LCOR: variants seen among roughly 807,000 people sequenced by gnomAD.
LCOR encodes ligand dependent nuclear receptor corepressor, also known as ligand-dependent corepressor.
Under a neutral mutation model 64.4 loss-of-function variants are expected in LCOR, and 14 were observed. The ratio of observed to expected loss-of-function variants is 0.22; its 90% confidence interval spans 0.14 to 0.34. The LOEUF is 0.34. Ranked by LOEUF, LCOR falls within the 10% of genes least tolerant of loss-of-function variation. The pLI, the probability that LCOR is intolerant of heterozygous loss-of-function variation, is 1.00. For synonymous variants in LCOR, 643 were observed against 642.5 expected (o/e 1.00, Z -0.01); for missense variants, 1,686 against 1,765.3 (o/e 0.96, Z 0.80).
intron 4 of LCOR, among the ~76,000 whole-genome samples, chr10:96,930,479 C>T (rs550077797): frequency 2.0e-5 from 3 of 152,282 alleles, no homozygotes; most frequent in Non-Finnish European, 4.4e-5. Flanking sequence ...AGAATTGCCA[C>T]GTCAGTAGTG....
At chr10:96,836,724 A>G (rs1845448029) in intron 2 of LCOR, among the ~76,000 whole-genome samples, 1 of 152,226 alleles carries the variant, frequency 6.6e-6, no homozygotes, top group Admixed American at 6.5e-5. Flanking sequence ...TGGAAAAGGC[A>G]TTCCATTCAT....
At chr10:96,944,425 C>T (rs1350672046) in intron 5 of LCOR, among the ~76,000 whole-genome samples, 180 bp downstream of exon 5, 2 of 151,950 alleles carry the variant, frequency 1.3e-5, no homozygotes, top group African/African-American at 2.4e-5. Flanking sequence ...AACCCTGTTC[C>T]CCACATTTAG....
At chr10:96,894,954 A>G (rs911396820) in intron 2 of LCOR, among the ~76,000 whole-genome samples, 4 of 152,182 alleles carry the variant, frequency 2.6e-5, no homozygotes, top group African/African-American at 7.2e-5. Context: ...GAACAGTAAA[A>G]AAGACCTGAC....
intron 5 of LCOR, among the ~76,000 whole-genome samples, chr10:96,944,533 A>G (rs1307239425): frequency 6.6e-6 from 1 of 151,920 alleles, no homozygotes; most frequent in Non-Finnish European, 1.5e-5. Context: ...TTTGTTAGAC[A>G]ACTTTTCTTA....
At chr10:96,869,135 A>G (rs11188954) in intron 2 of LCOR, among the ~76,000 whole-genome samples, 30,763 of 152,040 alleles carry the variant, frequency 0.2, 5,478 homozygotes, top group African/African-American at 0.48. Flanking sequence ...CAAAGCTCGC[A>G]ACCTCAAGTG....
At chr10:96,941,277 A>G (rs1266787947) in intron 4 of LCOR, among the ~76,000 whole-genome samples, 148 of 97,772 alleles carry the variant, frequency 1.5e-3, no homozygotes, top group Middle Eastern at 0.011. Flanking sequence ...GCGGCTGGCC[A>G]GGCGGGGGGC....
intron 2 of LCOR, among the ~76,000 whole-genome samples, chr10:96,885,247 T>C (rs1846322791): frequency 6.6e-6 from 1 of 152,222 alleles, no homozygotes; most frequent in South Asian, 2.1e-4. Flanking sequence ...AGTAAAGTTT[T>C]CAGATTTGTA....
chr10:96,835,540 A>G (rs991493690), intron 2 of LCOR, among the ~76,000 whole-genome samples: 6 of 152,186 alleles, frequency 3.9e-5, no homozygotes, highest in African/African-American at 4.8e-5. Context: ...AGAACTTTCT[A>G]TATTTAAAAG....
At chr10:96,936,174 C>T (rs1411494809) in intron 4 of LCOR, among the ~76,000 whole-genome samples, 2 of 152,228 alleles carry the variant, frequency 1.3e-5, no homozygotes, top group South Asian at 4.1e-4. Context: ...AGGGGCCCAC[C>T]AGCTTTTATT....
chr10:96,933,545 G>T (rs182836582), intron 4 of LCOR, among the ~76,000 whole-genome samples: 2 of 152,134 alleles, frequency 1.3e-5, no homozygotes, highest in Non-Finnish European at 2.9e-5. Flanking sequence ...TTTTGAGATG[G>T]AGTCTCGCTC....
chr10:96,970,242 C>CA (rs1361851388), intron 7 of LCOR, among the ~76,000 whole-genome samples: 1 of 151,592 alleles, frequency 6.6e-6, no homozygotes, highest in Non-Finnish European at 1.5e-5. Flanking sequence ...TACTAAAATA[C>CA]AAAAAAATAA....
chr10:96,924,192 G>A (rs1159327335), intron 4 of LCOR, among the ~76,000 whole-genome samples: 2 of 152,036 alleles, frequency 1.3e-5, no homozygotes, highest in Non-Finnish European at 2.9e-5. Flanking sequence ...GAAAAGTAGG[G>A]CTCCATCTTT....
At chr10:96,969,972 T>TTA (rs1242363309) in intron 7 of LCOR, among the ~76,000 whole-genome samples, 1 of 143,092 alleles carries the variant, frequency 7.0e-6, no homozygotes, top group Non-Finnish European at 1.5e-5. Flanking sequence ...TTTTTTTTTT[T>TTA]AGTAGAGATG....
At chr10:96,913,874 T>C (rs1846889859) in intron 4 of LCOR, among the ~76,000 whole-genome samples, 1 of 151,040 alleles carries the variant, frequency 6.6e-6, no homozygotes, top group African/African-American at 2.4e-5. Context: ...GCCGAGATCA[T>C]GCCTGGGCGA....
chr10:96,965,183 G>A (rs1425737224), intron 7 of LCOR, among the ~76,000 whole-genome samples: 1 of 150,550 alleles, frequency 6.6e-6, no homozygotes, highest in Non-Finnish European at 1.5e-5. Flanking sequence ...TAATTTTTTT[G>A]CATTTTTAGT....
intron 4 of LCOR, among the ~76,000 whole-genome samples, chr10:96,924,607 A>C (rs1234093407): frequency 1.3e-5 from 2 of 151,364 alleles, no homozygotes; most frequent in African/African-American, 4.9e-5. Flanking sequence ...ACTAGTACAA[A>C]AATACCTATA....
chr10:96,872,279 G>A (rs1217730693), intron 2 of LCOR, among the ~76,000 whole-genome samples: 1 of 152,188 alleles, frequency 6.6e-6, no homozygotes, highest in Non-Finnish European at 1.5e-5. Context: ...ATATACCATC[G>A]GTATCAGCAG....
At chr10:96,865,348 G>A (rs868162606) in intron 2 of LCOR, among the ~76,000 whole-genome samples, 2 of 152,122 alleles carry the variant, frequency 1.3e-5, no homozygotes, top group Non-Finnish European at 2.9e-5. Context: ...GGGAAGAAAA[G>A]ATACAATTAT....
In LCOR at chr10:96,985,244, A is replaced by G. The variant is rs1848139187; in HGVS notation, c.*110A>G. On this transcript the variant is annotated 3_prime_UTR_variant, in exon 8 of 8. Coordinates refer to ENST00000421806, the MANE Select transcript of LCOR (RefSeq NM_001346516.2). ...ATCAAGCCTTTCAAATTTACAGTTA[A>G]TGGAGAACACCGTAATTTGAGATGT... 2.3e-6 allele frequency: 3 copies of G among 1,311,070 alleles called. No individual in the cohort carries two copies. Among genetic ancestry groups the G allele is most frequent in the Admixed American group, 3.2e-5 (1 of 30,992 alleles). The allele number at this position is 1,311,070 out of a possible 1,614,324, so 81.2% of individuals were successfully genotyped here.
Sources: allele counts gnomAD v4.1 joint callset (sites outside exome capture counted in the v4.1 genomes callset), GRCh38; gene constraint gnomAD v4.1.1; transcripts MANE v1.5; gene names NCBI Gene and HGNC (gene_info 2026-07-23, HGNC 2026-07-21).